Variants in RMDN1 observed in about 807,000 individuals in gnomAD.
RMDN1 encodes the protein regulator of microtubule dynamics protein 1.
In RMDN1, 48 loss-of-function variants were observed where a neutral mutation model predicts 48.9. That is an observed-to-expected ratio of 0.98 (90% CI 0.78 to 1.25). The LOEUF is 1.25. Ranked by LOEUF, RMDN1 falls within the 50% of genes most tolerant of loss-of-function variation. RMDN1 has a pLI of 0.00. For missense variants in RMDN1, 418 were observed against 373.4 expected, an observed-to-expected ratio of 1.12 and a Z score of -0.98; for synonymous variants, 148 against 132.6, an observed-to-expected ratio of 1.12 and a Z score of -0.80.
downstream of RMDN1, chr8:86,470,443 A>G (rs1391234840): frequency 8.0e-7 from 1 of 1,243,632 alleles, no homozygotes; most frequent in Middle Eastern, 2.4e-4. Flanking sequence ...CTTAGTGCAC[A>G]GAATCAGAAT....
intron 2 of RMDN1, chr8:86,495,004 CT>C (rs1357771071): frequency 2.6e-6 from 1 of 377,748 alleles, no homozygotes; most frequent in Non-Finnish European, 5.1e-6. Flanking sequence ...TATGTAGTAA[CT>C]TTTTATGTCC....
At chr8:86,483,668 T>C (rs1300657573) in intron 5 of RMDN1, among the ~76,000 whole-genome samples, 5 of 152,220 alleles carry the variant, frequency 3.3e-5, no homozygotes, top group Admixed American at 1.3e-4. Context: ...TCATTCTTTT[T>C]CACTAGTTGT....
intron 2 of RMDN1, among the ~76,000 whole-genome samples, chr8:86,489,667 TA>T (rs1323553157): frequency 2.0e-5 from 3 of 151,942 alleles, no homozygotes; most frequent in African/African-American, 7.3e-5. Context: ...CCATCTCTAC[TA>T]AAAATACAAA....
intron 8 of RMDN1, among the ~76,000 whole-genome samples, chr8:86,475,336 A>G (rs1813188960): frequency 6.6e-6 from 1 of 152,196 alleles, no homozygotes; most frequent in Non-Finnish European, 1.5e-5. Flanking sequence ...TGTGTGAAAC[A>G]TAACATACAT....
chr8:86,508,051 T>G, intron 1 of RMDN1: 1 of 157,238 alleles, frequency 6.4e-6, no homozygotes, highest in Non-Finnish European at 1.4e-5. Flanking sequence ...TAAACATTTT[T>G]AAACAAAAAC....
intron 6 of RMDN1, 79 bp downstream of exon 6, chr8:86,480,198 A>G (rs1814123057): frequency 5.9e-6 from 4 of 676,816 alleles, no homozygotes; most frequent in Admixed American, 3.3e-5. Flanking sequence ...TATCTTTTAT[A>G]TATGCAAAAG....
chr8:86,508,457 G>A lies in RMDN1; in HGVS notation c.129+35C>T, dbSNP rs970926540. 6 of 1,534,878 alleles carry A rather than the reference G, an allele frequency of 3.9e-6. No individual in the cohort carries two copies. The Admixed American group carries it at 6.1e-5, about 16-fold the overall frequency. Reference sequence around the variant, plus strand: ...GGGGGAGCCGGAACCCACTGAGTAGGAAGTGAGGAGCGGGAGCCAGGACCA... The same window carrying A: ...GGGGGAGCCGGAACCCACTGAGTAGAAAGTGAGGAGCGGGAGCCAGGACCA... On this transcript the variant is annotated intron_variant, in intron 1 of 9. Transcript: ENST00000406452.
rs536814275 is a variant in RMDN1, at chr8:86,504,792, G to A, written c.247+2203C>T. Reference sequence around the variant, plus strand: ...CCGCCCAGCTGCGACTGCAATGGCCGGCTGCTCCAACTATACCTCCAACTT... The same window carrying A: ...CCGCCCAGCTGCGACTGCAATGGCCAGCTGCTCCAACTATACCTCCAACTT... On this transcript the variant is annotated intron_variant, in intron 2 of 9. Transcript: ENST00000406452. The A allele has an allele frequency of 2.0e-3, 2,071 of 1,056,216 alleles. 9 individuals are homozygous for A. The highest frequency in any genetic ancestry group is 2.6e-3 in the South Asian group (211 of 79,890). The allele number at this position is 1,056,216 out of a possible 1,614,324, so 65.4% of individuals were successfully genotyped here. A position where few individuals can be genotyped will look rare whatever the true frequency, so the allele number is the denominator to read the frequency against.
chr8:86,508,531 G>T lies in RMDN1; in HGVS notation c.90C>A (p.Ser30Arg). ...ATCGACAGGGGCCGCAATGCCCGCG[G>T]CTGCCCGAAGTCCCCGCAGGGAGAC... is the stretch of plus-strand genomic sequence containing the variant. The part of the protein sequence containing the change: ...GSRLPAGTSG[S>R]RGHCGPCRFR... The change falls in exon 1 of 10, where the codon AGC (serine) becomes AGA (arginine). Residue 30 changes from serine to arginine, a missense_variant. By Grantham distance (110) the Ser-to-Arg change is moderately radical (BLOSUM62 -1). Transcript: ENST00000406452. 6.4e-7 allele frequency: 1 copy of T among 1,572,728 alleles called. No individual in the cohort carries two copies. Among genetic ancestry groups the T allele is most frequent in the Non-Finnish European group, 8.6e-7 (1 of 1,161,716 alleles).
At chr8:86,479,047 G>C (rs1175992890) in intron 6 of RMDN1, 37 bp from the exon 7 acceptor site, 1 of 1,448,328 alleles carries the variant, frequency 6.9e-7, no homozygotes, top group East Asian at 2.3e-5. Context: ...CATTCAAATT[G>C]TACCTTCTTT....
chr8:86,482,495 TG>T (rs890786625), intron 5 of RMDN1: 20 of 643,818 alleles, frequency 3.1e-5, no homozygotes, highest in Non-Finnish European at 5.5e-5. Flanking sequence ...GTTTTCTTCC[TG>T]GTCATTTAAT....
At chr8:86,488,789 G>A (rs924458148) in intron 2 of RMDN1, 150 bp from the exon 3 acceptor site, 17 of 468,542 alleles carry the variant, frequency 3.6e-5, no homozygotes, top group Non-Finnish European at 6.4e-5. Context: ...AAATTAGGAA[G>A]AACCTAGATG....
In RMDN1 at chr8:86,492,976, G is replaced by A. The variant is rs143789810; in HGVS notation, c.248-4337C>T. Among the ~76,000 whole-genome samples, 263 of 150,916 alleles carry A rather than the reference G, an allele frequency of 1.7e-3. 3 individuals carry two copies. Among genetic ancestry groups the A allele is most frequent in the African/African-American group, 6.2e-3 (253 of 41,088 alleles). On this transcript the variant is annotated intron_variant, in intron 2 of 9. Transcript: ENST00000406452. ...AAGAGAATTAAGCAGAAATTTTGAA[G>A]CATGGAATTATTTGAAGATCAATTC...
intron 2 of RMDN1, among the ~76,000 whole-genome samples, chr8:86,491,709 A>T (rs1816529189): frequency 6.6e-6 from 1 of 152,206 alleles, no homozygotes; most frequent in African/African-American, 2.4e-5. Context: ...GAAATCTTAA[A>T]TGTAACCTAA....
At chr8:86,471,837 G>C (rs955240735), downstream of RMDN1, among the ~76,000 whole-genome samples, 1 of 152,208 alleles carries the variant, frequency 6.6e-6, no homozygotes, top group Non-Finnish European at 1.5e-5. Flanking sequence ...TGGAATGCGA[G>C]AGAATCTATG....
At chr8:86,497,724 G>T (rs1586734648) in intron 2 of RMDN1, among the ~76,000 whole-genome samples, 1 of 145,342 alleles carries the variant, frequency 6.9e-6, no homozygotes, top group Non-Finnish European at 1.5e-5. Context: ...AAGAAAGAAA[G>T]AAAAAAAAAG....
intron 2 of RMDN1, among the ~76,000 whole-genome samples, chr8:86,502,857 T>C (rs879526360): frequency 2.6e-5 from 4 of 152,176 alleles, no homozygotes; most frequent in Non-Finnish European, 5.9e-5. Flanking sequence ...CCCCCAACTC[T>C]TCAAACTCAA....
intron 2 of RMDN1, among the ~76,000 whole-genome samples, chr8:86,493,589 C>T (rs1015952205): frequency 2.0e-5 from 3 of 152,036 alleles, no homozygotes; most frequent in Non-Finnish European, 4.4e-5. Context: ...TGAAATAAGC[C>T]AGGTACAGAA....
intron 2 of RMDN1, among the ~76,000 whole-genome samples, chr8:86,495,469 G>A (rs1329163184): frequency 6.6e-6 from 1 of 152,090 alleles, no homozygotes; most frequent in Non-Finnish European, 1.5e-5. Flanking sequence ...GCATTGCCAT[G>A]GGTATCCATT....
Sources: gnomAD v4.1 joint callset for allele counts (sites outside exome capture counted in the v4.1 genomes callset) on GRCh38, gnomAD v4.1.1 for gene constraint, MANE v1.5 for transcripts, NCBI Gene and HGNC (gene_info 2026-07-23, HGNC 2026-07-21) for gene names.